GLRA2: variants seen among roughly 807,000 people sequenced by gnomAD.
The protein encoded by GLRA2 is glycine receptor subunit alpha-2.
Under a neutral mutation model 31.6 loss-of-function variants are expected in GLRA2, and 11 were observed. The ratio of observed to expected loss-of-function variants is 0.35; its 90% confidence interval spans 0.22 to 0.58. GLRA2 has a LOEUF of 0.58. GLRA2 is among the 20% of genes least tolerant of loss of function. The pLI is 0.84. For synonymous variants in GLRA2, 132 were observed against 134.0 expected (o/e 0.99, Z 0.10); for missense variants, 212 against 351.8 (o/e 0.60, Z 3.18).
At chrX:14,579,052 A>G (rs2089987698) in intron 3 of GLRA2, among the ~76,000 whole-genome samples, 1 of 112,119 alleles carries the variant, frequency 8.9e-6, no homozygotes, top group Non-Finnish European at 1.9e-5. Flanking sequence ...CTTCCCCACA[A>G]CAGACATTTC....
intron 7 of GLRA2, 109 bp downstream of exon 7, chrX:14,609,314 G>T: frequency 2.3e-6 from 1 of 441,578 alleles, no homozygotes; most frequent in East Asian, 3.8e-5. Flanking sequence ...CACTGTCATA[G>T]ATATGAATGC....
At chrX:14,691,310 TGTGTGTGTGTGTGTGC>T (rs1424183783) in intron 8 of GLRA2, among the ~76,000 whole-genome samples, 11 of 102,348 alleles carry the variant, frequency 1.1e-4, no homozygotes, top group African/African-American at 3.6e-4. Flanking sequence ...TGTGTGTGTG[TGTGTGTGTGTGTGTGC>T]GCGCGTGCGT....
At chrX:14,654,607 T>G (rs577229192) in intron 7 of GLRA2, among the ~76,000 whole-genome samples, 28 of 111,813 alleles carry the variant, frequency 2.5e-4, no homozygotes, top group Non-Finnish European at 3.8e-4. Context: ...GCATTTTAAT[T>G]CTCTGAAATC....
the GLRA2 span, among the ~76,000 whole-genome samples, chrX:14,522,239 G>T: frequency 8.9e-6 from 1 of 112,315 alleles, no homozygotes; most frequent in African/African-American, 3.2e-5. Context: ...TCTAACTCAA[G>T]AAACCACTTG....
At chrX:14,483,773 G>T in the GLRA2 span, among the ~76,000 whole-genome samples, 1 of 112,144 alleles carries the variant, frequency 8.9e-6, no homozygotes, top group Admixed American at 9.5e-5. Context: ...TTGCTCCTGG[G>T]TGTGTCTGTG....
chrX:14,501,309 G>C, the GLRA2 span, among the ~76,000 whole-genome samples: 3 of 112,030 alleles, frequency 2.7e-5, no homozygotes, highest in South Asian at 7.4e-4. Flanking sequence ...ATTGTGGCCA[G>C]TTGGGTCCCA....
rs1342526292 is a variant in GLRA2, at chrX:14,563,087, T to C, written c.203-11246T>C. 5.3e-5 allele frequency among the ~76,000 whole-genome samples: 6 copies of C among 112,683 alleles called. No individual in the cohort carries two copies. The South Asian group carries it at 1.1e-3, about 21-fold the overall frequency. ...AAATTAGGACATTCAAAATCGACCA[T>C]GCATATGGCAAATTTAGAAAGCCAC... On this transcript the variant is annotated intron_variant, in intron 2 of 8. Coordinates refer to ENST00000218075, the MANE Select transcript of GLRA2 (RefSeq NM_002063.4).
chrX:14,581,766 GCACACACACACACA>G (rs57962541), intron 4 of GLRA2, among the ~76,000 whole-genome samples: 12 of 90,841 alleles, frequency 1.3e-4, no homozygotes, highest in African/African-American at 3.7e-4. Flanking sequence ...ATTCAAGCAT[GCACACACACACACA>G]CACACACACA....
At chrX:14,666,035 T>C (rs1169782770) in intron 7 of GLRA2, among the ~76,000 whole-genome samples, 1 of 104,659 alleles carries the variant, frequency 9.6e-6, no homozygotes, top group Non-Finnish European at 2.0e-5. Flanking sequence ...TTTGAAAAAT[T>C]AGTTTATCCT....
intron 2 of GLRA2, among the ~76,000 whole-genome samples, chrX:14,542,797 G>T (rs1031361632): frequency 9.1e-6 from 1 of 110,076 alleles, no homozygotes; most frequent in African/African-American, 3.3e-5. Flanking sequence ...TAACATTAGT[G>T]CTGGTCAGTT....
At chrX:14,477,376 G>T in the GLRA2 span, among the ~76,000 whole-genome samples, 3 of 111,889 alleles carry the variant, frequency 2.7e-5, no homozygotes, top group Non-Finnish European at 5.6e-5. Flanking sequence ...TCACCAGAGA[G>T]CTTATTTTTG....
chrX:14,611,899 C>T (rs745479697), intron 7 of GLRA2, among the ~76,000 whole-genome samples: 31 of 112,077 alleles, frequency 2.8e-4, no homozygotes, highest in African/African-American at 7.4e-4. Context: ...TTGTCATTAA[C>T]AGTAATGGCA....
At chrX:14,689,224 A>C (rs890443640) in intron 7 of GLRA2, among the ~76,000 whole-genome samples, 1 of 112,349 alleles carries the variant, frequency 8.9e-6, no homozygotes, top group African/African-American at 3.2e-5. Context: ...CTCACCTAAA[A>C]GTTGATCCAA....
At chrX:14,647,415 A>G (rs1786088460) in intron 7 of GLRA2, among the ~76,000 whole-genome samples, 2 of 108,407 alleles carry the variant, frequency 1.8e-5, no homozygotes, top group Middle Eastern at 4.4e-3. Flanking sequence ...AAAGGAGGCA[A>G]TTAAGGGTCC....
At chrX:14,702,652 T>C (rs2091560507) in intron 8 of GLRA2, among the ~76,000 whole-genome samples, 1 of 111,500 alleles carries the variant, frequency 9.0e-6, no homozygotes, top group African/African-American at 3.3e-5. Flanking sequence ...TTATCTACAC[T>C]TCTGTAGGTC....
At chrX:14,462,375 T>C in the GLRA2 span, among the ~76,000 whole-genome samples, 24 of 111,494 alleles carry the variant, frequency 2.2e-4, no homozygotes, top group Non-Finnish European at 4.3e-4. Context: ...CTGTATTTCC[T>C]GAATTTGAAT....
At chrX:14,510,839 T>G in the GLRA2 span, among the ~76,000 whole-genome samples, 1 of 112,282 alleles carries the variant, frequency 8.9e-6, no homozygotes, top group East Asian at 2.8e-4. Context: ...TTTCTCATTC[T>G]TATTAGTATC....
intron 8 of GLRA2, among the ~76,000 whole-genome samples, chrX:14,711,396 A>G (rs1294138504): frequency 8.9e-6 from 1 of 112,269 alleles, no homozygotes; most frequent in Non-Finnish European, 1.9e-5. Flanking sequence ...CTGATACGCT[A>G]ATTAGATGAC....
chrX:14,603,595 T>A (rs997309218), intron 4 of GLRA2, among the ~76,000 whole-genome samples: 4 of 111,295 alleles, frequency 3.6e-5, no homozygotes, highest in Admixed American at 9.6e-5. Flanking sequence ...TTCTAGAAGA[T>A]AACATTGGAA....
Sources: allele counts gnomAD v4.1 joint callset (sites outside exome capture counted in the v4.1 genomes callset), GRCh38; gene constraint gnomAD v4.1.1; transcripts MANE v1.5; gene names NCBI Gene and HGNC (gene_info 2026-07-23, HGNC 2026-07-21).